The following STXBP5L variants were observed in gnomAD, a reference collection of about 807,000 sequenced individuals.
The protein encoded by STXBP5L is syntaxin-binding protein 5-like.
A neutral mutation model predicts 144.5 loss-of-function variants in STXBP5L; 65 were observed. The observed-to-expected ratio is 0.45, with a 90% CI of 0.37 to 0.55. The LOEUF (loss-of-function observed/expected upper bound fraction) is 0.55. Ranked by LOEUF, STXBP5L falls within the 20% of genes least tolerant of loss-of-function variation. The pLI, the probability that STXBP5L is intolerant of heterozygous loss-of-function variation, is 0.00. For missense variants in STXBP5L, 1,298 were observed against 1,405.5 expected, an observed-to-expected ratio of 0.92 and a Z score of 1.22; for synonymous variants, 505 against 469.6, an observed-to-expected ratio of 1.08 and a Z score of -0.97.
At chr3:121,144,561 T>G (rs1559794292) in intron 7 of STXBP5L, among the ~76,000 whole-genome samples, 1 of 151,860 alleles carries the variant, frequency 6.6e-6, no homozygotes, top group Non-Finnish European at 1.5e-5. Context: ...AGTGTGGAGG[T>G]TCCTCAAAAA....
Position 120,981,004 on chromosome 3 carries a change from T to C in STXBP5L, c.287+25967T>C, listed in dbSNP as rs147923162. ...ACAAAATCCTTTGCTAGATTTTTTT[T>C]TTCTTCAAAGAGACTGAAAATAGGA... is the stretch of plus-strand genomic sequence containing the variant. On this transcript the variant is annotated intron_variant, in intron 3 of 26. Coordinates refer to ENST00000471454, the MANE Select transcript of STXBP5L (RefSeq NM_001308330.2). 1.7e-3 allele frequency among the ~76,000 whole-genome samples: 266 copies of C among 152,310 alleles called. 6 individuals are homozygous for C. In the East Asian group the frequency reaches 0.046, roughly 27 times the overall value.
chr3:121,114,262 A>G (rs2044135795), intron 5 of STXBP5L, among the ~76,000 whole-genome samples: 2 of 152,198 alleles, frequency 1.3e-5, no homozygotes, highest in African/African-American at 4.8e-5. Context: ...AGATGAAAAC[A>G]GAACAATAAA....
At chr3:121,281,566 C>T (rs1210655117) in intron 19 of STXBP5L, among the ~76,000 whole-genome samples, 1 of 151,956 alleles carries the variant, frequency 6.6e-6, no homozygotes, top group Non-Finnish European at 1.5e-5. Flanking sequence ...CCAATATAAT[C>T]AGAAAAGCTG....
At chr3:121,196,290 A>T (rs1338458517) in intron 9 of STXBP5L, among the ~76,000 whole-genome samples, 2 of 151,224 alleles carry the variant, frequency 1.3e-5, no homozygotes, top group Non-Finnish European at 2.9e-5. Context: ...CTCCCATGAC[A>T]TGCCTGGCTA....
At chr3:121,349,668 T>G (rs531178660) in intron 20 of STXBP5L, among the ~76,000 whole-genome samples, 14 of 152,234 alleles carry the variant, frequency 9.2e-5, no homozygotes, top group Admixed American at 4.6e-4. Context: ...ATATTTAGGA[T>G]AGTTAGCTCT....
chr3:121,262,491 G>A (rs767017941), intron 18 of STXBP5L, among the ~76,000 whole-genome samples: 43 of 152,232 alleles, frequency 2.8e-4, no homozygotes, highest in African/African-American at 7.7e-4. Flanking sequence ...TTAGCTGTGC[G>A]TGATGGCACG....
chr3:121,190,914 G>T (rs2108162620), intron 9 of STXBP5L, among the ~76,000 whole-genome samples: 1 of 152,120 alleles, frequency 6.6e-6, no homozygotes, highest in African/African-American at 2.4e-5. Flanking sequence ...GTCACGGCCG[G>T]GCAGAGGAGC....
intron 9 of STXBP5L, among the ~76,000 whole-genome samples, chr3:121,178,980 T>C (rs559858920): frequency 1.1e-4 from 17 of 152,076 alleles, no homozygotes; most frequent in African/African-American, 3.1e-4. Flanking sequence ...ATGGGAACTG[T>C]GGCAGATACG....
chr3:121,307,224 A>G (rs2043367433), intron 19 of STXBP5L, among the ~76,000 whole-genome samples: 1 of 152,184 alleles, frequency 6.6e-6, no homozygotes, highest in African/African-American at 2.4e-5. Context: ...GATACAATAT[A>G]TTACCTAAAA....
intron 5 of STXBP5L, among the ~76,000 whole-genome samples, chr3:121,058,499 G>A (rs1481789774): frequency 6.6e-6 from 1 of 152,208 alleles, no homozygotes; most frequent in Non-Finnish European, 1.5e-5. Flanking sequence ...CCAGTAATGG[G>A]ATGGCTGGGT....
chr3:121,344,733 G>A (rs76292449), intron 20 of STXBP5L, among the ~76,000 whole-genome samples: 15,176 of 151,636 alleles, frequency 0.1, 1,198 homozygotes, highest in Admixed American at 0.2. Context: ...GTTAATTGGT[G>A]GTGAATTTAG....
intron 22 of STXBP5L, among the ~76,000 whole-genome samples, chr3:121,390,527 G>A (rs6786171): frequency 0.12 from 18,713 of 152,146 alleles, 1,269 homozygotes; most frequent in South Asian, 0.23. Flanking sequence ...GGCTGGTACC[G>A]GTTGTTTCTT....
At chr3:121,014,024 T>C (rs995347390) in intron 3 of STXBP5L, among the ~76,000 whole-genome samples, 16 of 152,102 alleles carry the variant, frequency 1.1e-4, no homozygotes, top group Admixed American at 9.2e-4. Context: ...AGTACCATGC[T>C]GTTTTGATTA....
chr3:121,263,357 A>G (rs1419139877), intron 18 of STXBP5L, among the ~76,000 whole-genome samples: 1 of 152,230 alleles, frequency 6.6e-6, no homozygotes, highest in African/African-American at 2.4e-5. Flanking sequence ...ATCCACGAAC[A>G]TGAGGAAAAA....
chr3:120,962,613 T>C (rs1938987489), intron 3 of STXBP5L, among the ~76,000 whole-genome samples: 2 of 152,194 alleles, frequency 1.3e-5, no homozygotes, highest in Admixed American at 1.3e-4. Flanking sequence ...TTCTGAGGGC[T>C]CTGTTCTGTT....
In STXBP5L at chr3:121,007,148, T is replaced by C. The variant is rs1404362769; in HGVS notation, c.288-34552T>C. ...AGCTTTTTAAAAGTTATTGAAATTA[T>C]ACTTTTACATTTTTAAATTCTACTT... On this transcript the variant is annotated intron_variant, in intron 3 of 26. Transcript: ENST00000471454. Among the ~76,000 whole-genome samples, 8 of 152,208 alleles carry C rather than the reference T, an allele frequency of 5.3e-5. No individual in the cohort carries two copies. The East Asian group carries it at 1.5e-3, about 29-fold the overall frequency.
At chr3:121,276,304 T>G (rs1034993235) in intron 18 of STXBP5L, among the ~76,000 whole-genome samples, 1 of 152,020 alleles carries the variant, frequency 6.6e-6, no homozygotes. Flanking sequence ...TTTATCCTCC[T>G]GTTTTTTGCA....
intron 9 of STXBP5L, among the ~76,000 whole-genome samples, chr3:121,181,203 G>A (rs115373109): frequency 0.1 from 15,016 of 150,678 alleles, 1,172 homozygotes; most frequent in Admixed American, 0.2. Flanking sequence ...AGTATCTCAC[G>A]TCTCAGTACT....
chr3:121,282,047 A>G (rs929386214), intron 19 of STXBP5L, among the ~76,000 whole-genome samples: 22 of 151,580 alleles, frequency 1.5e-4, no homozygotes, highest in African/African-American at 5.3e-4. Context: ...AATAAATGTT[A>G]AAATTACTAC....
Sources: gnomAD v4.1 joint callset for allele counts (sites outside exome capture counted in the v4.1 genomes callset) on GRCh38, gnomAD v4.1.1 for gene constraint, MANE v1.5 for transcripts, NCBI Gene and HGNC (gene_info 2026-07-23, HGNC 2026-07-21) for gene names.